The following ZSCAN4 variants were observed in gnomAD, a reference collection of about 807,000 sequenced individuals.
ZSCAN4 encodes the protein zinc finger and SCAN domain-containing protein 4.
Under a neutral mutation model 18.3 loss-of-function variants are expected in ZSCAN4, and 18 were observed. That is an observed-to-expected ratio of 0.98 (90% CI 0.68 to 1.46). ZSCAN4 has a LOEUF of 1.46. ZSCAN4 is among the 40% of genes most tolerant of loss of function. ZSCAN4 has a pLI of 0.00. For synonymous variants in ZSCAN4, 193 were observed against 180.3 expected (o/e 1.07, Z -0.57); for missense variants, 498 against 511.4 (o/e 0.97, Z 0.25).
the ZSCAN4 span, among the ~76,000 whole-genome samples, chr19:57,651,607 G>A: frequency 6.6e-6 from 1 of 152,184 alleles, no homozygotes; most frequent in African/African-American, 2.4e-5. Flanking sequence ...TTGCCATAGA[G>A]CCATCTCCAT....
At chr19:57,663,787 T>A in the ZSCAN4 span, among the ~76,000 whole-genome samples, 2 of 152,026 alleles carry the variant, frequency 1.3e-5, no homozygotes, top group Admixed American at 1.3e-4. Context: ...TGCTTTAAAT[T>A]TTGATTTGTT....
chr19:57,671,218 T>C (rs1984014076), intron 2 of ZSCAN4, among the ~76,000 whole-genome samples: 1 of 151,956 alleles, frequency 6.6e-6, no homozygotes, highest in Non-Finnish European at 1.5e-5. Context: ...TCATTAGAGA[T>C]CATAAAGCCC....
chr19:57,674,378 G>A (rs1159124965), intron 2 of ZSCAN4, among the ~76,000 whole-genome samples: 1 of 152,160 alleles, frequency 6.6e-6, no homozygotes, highest in Non-Finnish European at 1.5e-5. Flanking sequence ...TTATGTCCAT[G>A]TGTACCCACT....
exon 5 of ZSCAN4, chr19:57,678,710 A>G: frequency 6.2e-7 from 1 of 1,614,220 alleles, no homozygotes; most frequent in African/African-American, 1.3e-5. Context: ...AGCCTTTCAC[A>G]TGCAGCATGT....
chr19:57,657,210 C>T, the ZSCAN4 span, among the ~76,000 whole-genome samples: 2 of 151,194 alleles, frequency 1.3e-5, no homozygotes, highest in South Asian at 2.1e-4. Context: ...CAGCTGAGAT[C>T]GCGCCACTGT....
the ZSCAN4 span, among the ~76,000 whole-genome samples, chr19:57,658,339 A>T: frequency 6.6e-6 from 1 of 152,196 alleles, no homozygotes; most frequent in Admixed American, 6.5e-5. Context: ...GAAGGGGCGG[A>T]CTGCAAAGGG....
At chr19:57,653,654 C>G in the ZSCAN4 span, among the ~76,000 whole-genome samples, 1 of 152,270 alleles carries the variant, frequency 6.6e-6, no homozygotes, top group South Asian at 2.1e-4. Flanking sequence ...CCCAAAAGTT[C>G]AAAAGGTACT....
At chr19:57,670,786 T>C (rs906620674) in intron 2 of ZSCAN4, among the ~76,000 whole-genome samples, 3 of 152,186 alleles carry the variant, frequency 2.0e-5, no homozygotes, top group Non-Finnish European at 4.4e-5. Context: ...GGGCTTGATG[T>C]TGTGAACTCT....
chr19:57,664,366 G>T (rs1284429468), upstream of ZSCAN4: 1 of 153,078 alleles, frequency 6.5e-6, no homozygotes, highest in Non-Finnish European at 1.5e-5. Context: ...GGCGCGGCGC[G>T]GGGCGGCTCT....
intron 2 of ZSCAN4, among the ~76,000 whole-genome samples, chr19:57,672,469 T>C (rs934932104): frequency 2.6e-5 from 4 of 152,196 alleles, no homozygotes; most frequent in South Asian, 2.1e-4. Context: ...CCTAGCTTTA[T>C]TGAGGTATAA....
At chr19:57,676,194 A>G (rs1378116717) in exon 3 of ZSCAN4, 2 of 1,614,108 alleles carry the variant, frequency 1.2e-6, no homozygotes, top group Admixed American at 3.3e-5. Context: ...ATCCGAGAAT[A>G]ATCTTGGATC....
At chr19:57,659,930 T>A in the ZSCAN4 span, among the ~76,000 whole-genome samples, 1 of 152,214 alleles carries the variant, frequency 6.6e-6, no homozygotes, top group African/African-American at 2.4e-5. Context: ...ATAGTTTCAG[T>A]AATATACACA....
upstream of ZSCAN4, among the ~76,000 whole-genome samples, chr19:57,667,244 T>C (rs1446755223): frequency 1.3e-5 from 2 of 152,218 alleles, no homozygotes; most frequent in Non-Finnish European, 2.9e-5. Flanking sequence ...CCACCATCTG[T>C]GTTTCCCCAA....
the ZSCAN4 span, among the ~76,000 whole-genome samples, chr19:57,655,275 C>A: frequency 6.6e-6 from 1 of 152,188 alleles, no homozygotes; most frequent in African/African-American, 2.4e-5. Flanking sequence ...CATCCTAGAA[C>A]ACCTGGATCC....
chr19:57,672,790 G>A lies in ZSCAN4; in HGVS notation c.-106+2223G>A, dbSNP rs112576884. ...ACTCATTTTTGAATTTTTAATAGAG[G>A]TGGGGTTTCACCATGTTGCCAGGCT... On this transcript the variant is annotated intron_variant, in intron 2 of 4. Transcript: ENST00000318203. 1.2e-4 allele frequency among the ~76,000 whole-genome samples: 18 copies of A among 151,976 alleles called. 1 individual carries two copies. The highest frequency in any genetic ancestry group is 4.3e-4 in the African/African-American group (18 of 41,484).
chr19:57,665,664 A>G (rs1159814819), upstream of ZSCAN4, among the ~76,000 whole-genome samples: 2 of 152,124 alleles, frequency 1.3e-5, no homozygotes, highest in East Asian at 1.9e-4. Context: ...TCACTCCTGT[A>G]ATCCCAACAC....
At chr19:57,673,498 G>T (rs1196109180) in intron 2 of ZSCAN4, among the ~76,000 whole-genome samples, 2 of 152,068 alleles carry the variant, frequency 1.3e-5, no homozygotes, top group African/African-American at 4.8e-5. Context: ...AGCTGAGTGT[G>T]GTGCGTGCCT....
exon 3 of ZSCAN4, chr19:57,676,516 A>G: frequency 1.9e-6 from 3 of 1,613,866 alleles, no homozygotes; most frequent in Non-Finnish European, 2.5e-6. Flanking sequence ...GACCTGACTG[A>G]TGACAGCATA....
chr19:57,671,330 T>C, intron 2 of ZSCAN4, among the ~76,000 whole-genome samples: 2 of 151,906 alleles, frequency 1.3e-5, no homozygotes, highest in East Asian at 3.9e-4. Flanking sequence ...AATTCCCAGG[T>C]TCTGGGAAAT....
Sources: gnomAD v4.1 joint callset for allele counts (sites outside exome capture counted in the v4.1 genomes callset) on GRCh38, gnomAD v4.1.1 for gene constraint, MANE v1.5 for transcripts, NCBI Gene and HGNC (gene_info 2026-07-23, HGNC 2026-07-21) for gene names.